The following P4HA3 variants were observed in gnomAD, a reference collection of about 807,000 sequenced individuals.
P4HA3 encodes prolyl 4-hydroxylase subunit alpha 3.
P4HA3 carries 60 observed loss-of-function variants against 66.7 expected under a neutral mutation model. The ratio of observed to expected loss-of-function variants is 0.90; its 90% confidence interval spans 0.73 to 1.12. P4HA3 has a LOEUF of 1.12. Ranked by LOEUF, P4HA3 falls within the 50% of genes most tolerant of loss-of-function variation. The pLI is 0.00. For missense variants in P4HA3, 683 were observed against 685.8 expected, an observed-to-expected ratio of 1.00 and a Z score of 0.05; for synonymous variants, 263 against 274.6, an observed-to-expected ratio of 0.96 and a Z score of 0.42.
chr11:74,286,116 T>C, intron 6 of P4HA3, 112 bp downstream of exon 6: 10 of 1,478,694 alleles, frequency 6.8e-6, no homozygotes, highest in Non-Finnish European at 9.2e-6. Context: ...GCTGCCCAAG[T>C]GAGCTTTATT....
intron 4 of P4HA3, among the ~76,000 whole-genome samples, chr11:74,292,320 T>C (rs1382216102): frequency 2.0e-5 from 3 of 152,168 alleles, no homozygotes; most frequent in African/African-American, 4.8e-5. Flanking sequence ...ATTGTGTCTA[T>C]TTGATTCTTC....
chr11:74,289,130 C>G lies in P4HA3; in HGVS notation c.718G>C (p.Ala240Pro). 6.4e-7 allele frequency: 1 copy of G among 1,571,036 alleles called. No homozygotes were observed. ...LDHLAFAYFR[A>P]GNVSCALSLS... ...CTGAGGGCACACGAAACATTTCCTG[C>G]CTGTTAAAAAAAAAAAAAAGAAAAG... The change falls in exon 5 of 13, where the codon GCA becomes CCA. Residue 240 changes from alanine (A) to proline (P), a missense_variant and splice_region_variant. Coordinates refer to ENST00000331597, the MANE Select transcript of P4HA3 (RefSeq NM_182904.5).
intron 4 of P4HA3, among the ~76,000 whole-genome samples, chr11:74,294,075 C>G (rs977098226): frequency 6.6e-6 from 1 of 152,234 alleles, no homozygotes; most frequent in South Asian, 2.1e-4. Context: ...CTGTCACTTT[C>G]AAGTACACCA....
chr11:74,278,054 C>T (rs1860461310), intron 8 of P4HA3, among the ~76,000 whole-genome samples: 1 of 152,122 alleles, frequency 6.6e-6, no homozygotes, highest in Non-Finnish European at 1.5e-5. Context: ...AAAGGACAAA[C>T]ACAAATATAA....
chr11:74,251,571 C>CT, intron 15 of P4HA3: 1 of 1,575,898 alleles, frequency 6.3e-7, no homozygotes, highest in Non-Finnish European at 8.6e-7. Context: ...GCCTAACCAT[C>CT]TAACAGTAGC....
At chr11:74,306,096 G>T (rs1234007943) in intron 1 of P4HA3, among the ~76,000 whole-genome samples, 2 of 152,080 alleles carry the variant, frequency 1.3e-5, no homozygotes, top group Non-Finnish European at 2.9e-5. Context: ...GCAAGCACAA[G>T]ACAAGGAGAC....
chr11:74,261,043 C>T (rs572715884), intron 14 of P4HA3, among the ~76,000 whole-genome samples: 5 of 152,334 alleles, frequency 3.3e-5, no homozygotes, highest in African/African-American at 1.2e-4. Context: ...ACTGACCCAC[C>T]TGTGCTATAG....
chr11:74,301,072 A>G (rs1241261414), intron 3 of P4HA3, among the ~76,000 whole-genome samples: 1 of 152,142 alleles, frequency 6.6e-6, no homozygotes, highest in Non-Finnish European at 1.5e-5. Context: ...GCAAGGGTGG[A>G]GCAGAAGGGA....
In P4HA3 at chr11:74,311,562, C is replaced by T. The variant is rs1382230829; in HGVS notation, c.50G>A (p.Gly17Glu). 6.5e-7 allele frequency: 1 copy of T among 1,539,830 alleles called. No individual in the cohort carries two copies. The highest frequency in any genetic ancestry group is 2.6e-5 in the East Asian group (1 of 38,802). ...LAALLAVLAL[G>E]TGDPERAAAR... is the part of the protein sequence containing the mutation. ...CGCAGCCCTTTCTGGGTCTCCTGTC[C>T]CGAGCGCCAGCACCGCCAGCAGCGC... The change falls in exon 1 of 13, where the codon GGG (glycine) becomes GAG (glutamate). Residue 17 changes from glycine (G) to glutamate (E), a missense_variant. Physicochemically the swap from Gly to Glu is moderately conservative, Grantham distance 98. Transcript: ENST00000331597.
At chr11:74,285,667 C>A (rs1860767604) in intron 7 of P4HA3, 142 bp downstream of exon 7, 1 of 836,012 alleles carries the variant, frequency 1.2e-6, no homozygotes, top group African/African-American at 1.7e-5. Context: ...CCACCATGGA[C>A]TAGTTTTATG....
At chr11:74,304,520 C>A (rs1861518607) in intron 1 of P4HA3, 108 bp from the exon 2 acceptor site, 3 of 1,285,550 alleles carry the variant, frequency 2.3e-6, no homozygotes, top group South Asian at 1.4e-5. Context: ...ACATGCTGAA[C>A]CTCTTGAGAT....
intron 15 of P4HA3, chr11:74,259,696 C>T (rs544311117): frequency 6.6e-6 from 1 of 152,312 alleles, no homozygotes; most frequent in South Asian, 2.1e-4. Flanking sequence ...TATTTTGTGT[C>T]TGGCTTATTT....
In P4HA3 at chr11:74,311,533, G is replaced by C; in HGVS notation, c.79C>G (p.Arg27Gly). 6.5e-7 allele frequency: 1 copy of C among 1,544,042 alleles called. No homozygotes were observed. The highest frequency in any genetic ancestry group is 8.7e-7 in the Non-Finnish European group (1 of 1,154,484). ...GTGDPERAAARGDTFSALTSV... is the reference protein window; with the variant it reads ...GTGDPERAAAGGDTFSALTSV... ...GTCAGCGCCGAGAACGTGTCGCCCCGAGCCGCAGCCCTTTCTGGGTCTCCT... is the reference window on the plus strand; with the variant it reads ...GTCAGCGCCGAGAACGTGTCGCCCCCAGCCGCAGCCCTTTCTGGGTCTCCT... The change falls in exon 1 of 13, where the codon CGG becomes GGG. Residue 27 changes from arginine to glycine, a missense_variant. Transcript: ENST00000331597.
intron 7 of P4HA3, among the ~76,000 whole-genome samples, chr11:74,281,067 A>T (rs1015289509): frequency 3.3e-5 from 5 of 152,208 alleles, no homozygotes; most frequent in African/African-American, 1.2e-4. Context: ...GGCGAAGGAC[A>T]TGAACAGACA....
intron 15 of P4HA3, chr11:74,250,418 C>G (rs1859625853): frequency 6.5e-6 from 1 of 153,514 alleles, no homozygotes. Flanking sequence ...ATTTTGAATC[C>G]TTAACATAGC....
chr11:74,274,840 TCAC>T (rs1337510054), intron 9 of P4HA3, among the ~76,000 whole-genome samples: 1 of 152,190 alleles, frequency 6.6e-6, no homozygotes, highest in Non-Finnish European at 1.5e-5. Flanking sequence ...CTCCACATCC[TCAC>T]CACCACTTGG....
chr11:74,299,148 T>C (rs1175281576), intron 3 of P4HA3, among the ~76,000 whole-genome samples: 1 of 152,186 alleles, frequency 6.6e-6, no homozygotes. Context: ...CTATGGAAGC[T>C]CAATGGATCT....
At chr11:74,297,959 A>G (rs965973729) in intron 4 of P4HA3, among the ~76,000 whole-genome samples, 1 of 152,230 alleles carries the variant, frequency 6.6e-6, no homozygotes. Context: ...TAGTCAATGC[A>G]TTGGAAAGAG....
At chr11:74,297,581 G>A (rs1480799676) in intron 4 of P4HA3, among the ~76,000 whole-genome samples, 1 of 152,024 alleles carries the variant, frequency 6.6e-6, no homozygotes, top group Non-Finnish European at 1.5e-5. Context: ...TTTGTTTATT[G>A]GCAGCTGCTT....
Sources: allele counts gnomAD v4.1 joint callset (sites outside exome capture counted in the v4.1 genomes callset), GRCh38; gene constraint gnomAD v4.1.1; transcripts MANE v1.5; gene names NCBI Gene and HGNC (gene_info 2026-07-23, HGNC 2026-07-21).